ALMS1: variants seen among roughly 807,000 people sequenced by gnomAD.
ALMS1 encodes ALMS1 centrosome and basal body associated protein, also known as centrosome-associated protein ALMS1.
In ALMS1, 271 loss-of-function variants were observed where a neutral mutation model predicts 352.2. That is an observed-to-expected ratio of 0.77 (90% CI 0.70 to 0.85). The LOEUF (loss-of-function observed/expected upper bound fraction) is 0.85, where lower values mean the gene tolerates loss of function less well. Among genes scored for constraint, ALMS1 ranks in the 40% least tolerant of loss-of-function variants. The probability of loss-of-function intolerance (pLI) is 0.00; values close to 1 mark genes in which losing one functional copy is unlikely to be tolerated. For missense variants in ALMS1, 5,445 were observed against 4,870.7 expected (o/e 1.12, Z -3.51); for synonymous variants, 1,865 against 1,761.2 (o/e 1.06, Z -1.48).
At chr2:73,599,722 A>G (rs945468696) in intron 17 of ALMS1, among the ~76,000 whole-genome samples, 3 of 152,016 alleles carry the variant, frequency 2.0e-5, no homozygotes, top group African/African-American at 7.2e-5. Flanking sequence ...GTTCCCTTGT[A>G]TATTTCAGTG....
intron 1 of ALMS1, among the ~76,000 whole-genome samples, chr2:73,407,092 T>G (rs1670987414): frequency 6.6e-6 from 1 of 152,172 alleles, no homozygotes; most frequent in African/African-American, 2.4e-5. Flanking sequence ...AAATCCAAGG[T>G]CAAGGGTGAG....
intron 1 of ALMS1, among the ~76,000 whole-genome samples, chr2:73,403,586 T>C (rs569212445): frequency 1.6e-4 from 25 of 152,274 alleles, no homozygotes; most frequent in African/African-American, 6.0e-4. Context: ...GGCATTTTCA[T>C]AAGGATTGTG....
chr2:73,438,770 A>G (rs1671656420), intron 7 of ALMS1, among the ~76,000 whole-genome samples: 1 of 152,100 alleles, frequency 6.6e-6, no homozygotes. Flanking sequence ...TTAAATTCTT[A>G]CTCTGATTTA....
intron 21 of ALMS1, 55 bp downstream of exon 21, chr2:73,603,359 G>T: frequency 1.3e-6 from 2 of 1,542,846 alleles, no homozygotes; most frequent in South Asian, 1.1e-5. Context: ...CCACCAAGTG[G>T]TCGGGAGCTC....
At chr2:73,508,129 TCCTTTC>T (rs1216341052) in intron 10 of ALMS1, among the ~76,000 whole-genome samples, 6 of 149,238 alleles carry the variant, frequency 4.0e-5, no homozygotes, top group South Asian at 2.1e-4. Context: ...TCTTTTCCTT[TCCTTTC>T]CCTTTCCCTT....
At chr2:73,499,075 G>T (rs558299881) in intron 10 of ALMS1, among the ~76,000 whole-genome samples, 31 of 152,208 alleles carry the variant, frequency 2.0e-4, no homozygotes, top group Admixed American at 1.8e-3. Context: ...GTATACAAGG[G>T]TTCCCTTTTC....
At chr2:73,468,001 G>A (rs777003712) in intron 9 of ALMS1, among the ~76,000 whole-genome samples, 23 of 151,988 alleles carry the variant, frequency 1.5e-4, no homozygotes, top group Non-Finnish European at 3.4e-4. Flanking sequence ...ATCTGGATAT[G>A]GGCAGCATTT....
Position 73,553,617 on chromosome 2 carries a change from T to C in ALMS1, c.10078+3180T>C, listed in dbSNP as rs13412813. ...ATAGAAAATAAATGTAATTACAGTA[T>C]ACTAGCTGGCTTAGCTGTGAATAAT... On this transcript the variant is annotated intron_variant, in intron 13 of 22. Coordinates refer to ENST00000613296, the MANE Select transcript of ALMS1 (RefSeq NM_001378454.1). Among the ~76,000 whole-genome samples the C allele has an allele frequency of 1.7e-3, 258 of 152,338 alleles. 1 individual carries two copies. Among genetic ancestry groups the C allele is most frequent in the African/African-American group, 5.8e-3 (242 of 41,582 alleles).
At chr2:73,416,098 G>C (rs867774496) in intron 2 of ALMS1, among the ~76,000 whole-genome samples, 1 of 152,134 alleles carries the variant, frequency 6.6e-6, no homozygotes, top group Non-Finnish European at 1.5e-5. Context: ...TGGTCAGAGA[G>C]GCTAAGAGAT....
intron 10 of ALMS1, among the ~76,000 whole-genome samples, chr2:73,497,887 T>G (rs541523311): frequency 6.6e-6 from 1 of 152,216 alleles, no homozygotes; most frequent in African/African-American, 2.4e-5. Context: ...TTTCTAGGTA[T>G]AGATTTCTTT....
chr2:73,419,440 A>T, intron 3 of ALMS1, 122 bp downstream of exon 3: 4 of 870,868 alleles, frequency 4.6e-6, no homozygotes, highest in Non-Finnish European at 7.4e-6. Flanking sequence ...ACTCAGAGGG[A>T]TTAGCTTATT....
Position 73,451,211 on chromosome 2 carries a change from G to A in ALMS1, c.4684G>A (p.Gly1562Ser), listed in dbSNP as rs1671930409. ...SAPGPADQTT[G>S]IPTITSTSYS... ...TCCTGGACCAGCTGACCAGACAACT[G>A]GCATACCAACCATAACCTCTACTTC... is the stretch of plus-strand genomic sequence containing the variant. Residue 1562 changes from glycine to serine, a missense_variant, in exon 8 of 23, where the codon GGC (glycine) becomes AGC (serine). Physicochemically the swap from Gly to Ser is moderately conservative, Grantham distance 56. Coordinates refer to ENST00000613296, the MANE Select transcript of ALMS1 (RefSeq NM_001378454.1). The A allele has an allele frequency of 1.2e-6, 2 of 1,613,618 alleles. No homozygotes were observed. Among genetic ancestry groups the A allele is most frequent in the South Asian group, 1.1e-5 (1 of 91,072 alleles).
At chr2:73,532,403 A>G (rs1171530347) in intron 11 of ALMS1, among the ~76,000 whole-genome samples, 1 of 152,008 alleles carries the variant, frequency 6.6e-6, no homozygotes, top group African/African-American at 2.4e-5. Flanking sequence ...CAGAAACCTT[A>G]GTGCTTTATT....
At chr2:73,427,881 T>C (rs1263613966) in intron 6 of ALMS1, among the ~76,000 whole-genome samples, 1 of 152,220 alleles carries the variant, frequency 6.6e-6, no homozygotes, top group African/African-American at 2.4e-5. Context: ...GTGATGTACT[T>C]AATGTTACTT....
chr2:73,448,882 A>G lies in ALMS1; in HGVS notation c.2355A>G (p.Glu785=). ...ACTTAGCAGACAGTCATCTACCTGA[A>G]GAGGGTCTGAAAGTTTCAGCTGTTG... ...PQDLADSHLP[E]EGLKVSAVAG... Residue 785 remains glutamate (E), a synonymous_variant, in exon 8 of 23, where the codon GAA becomes GAG. Transcript: ENST00000613296. 6.2e-7 allele frequency: 1 copy of G among 1,613,824 alleles called. No homozygotes were observed. Among genetic ancestry groups the G allele is most frequent in the Non-Finnish European group, 8.5e-7 (1 of 1,179,926 alleles).
At chr2:73,563,566 C>A (rs866999291) in intron 15 of ALMS1, among the ~76,000 whole-genome samples, 3 of 150,900 alleles carry the variant, frequency 2.0e-5, no homozygotes, top group Admixed American at 1.3e-4. Flanking sequence ...ACTAAAAATA[C>A]AAAAAAATTA....
At chr2:73,404,607 C>T (rs1208611947) in intron 1 of ALMS1, among the ~76,000 whole-genome samples, 2 of 151,998 alleles carry the variant, frequency 1.3e-5, no homozygotes, top group Non-Finnish European at 2.9e-5. Flanking sequence ...TTGAACCATC[C>T]TTGTATTCCA....
At chr2:73,542,891 C>T (rs1337609146) in intron 12 of ALMS1, among the ~76,000 whole-genome samples, 1 of 152,048 alleles carries the variant, frequency 6.6e-6, no homozygotes, top group Non-Finnish European at 1.5e-5. Flanking sequence ...AAGAACATTC[C>T]ATGCTCATGG....
intron 9 of ALMS1, chr2:73,457,456 T>C (rs1474203003): frequency 6.6e-6 from 1 of 152,040 alleles, no homozygotes. Flanking sequence ...TTGGCCAGGC[T>C]GGTCTTGAAC....
Sources: gnomAD v4.1 joint callset for allele counts (sites outside exome capture counted in the v4.1 genomes callset) on GRCh38, gnomAD v4.1.1 for gene constraint, MANE v1.5 for transcripts, NCBI Gene and HGNC (gene_info 2026-07-23, HGNC 2026-07-21) for gene names.